Variants in FAXDC2 observed in about 807,000 individuals in gnomAD.
FAXDC2 encodes the protein fatty acid hydroxylase domain containing 2, also known as fatty acid hydroxylase domain-containing protein 2.
A neutral mutation model predicts 40.9 loss-of-function variants in FAXDC2; 41 were observed. The observed-to-expected ratio is 1.00, with a 90% CI of 0.78 to 1.30. FAXDC2 has a LOEUF of 1.30. Among genes scored for constraint, FAXDC2 ranks in the 50% most tolerant of loss-of-function variants. The pLI, the probability that FAXDC2 is intolerant of heterozygous loss-of-function variation, is 0.00. For synonymous variants in FAXDC2, 157 were observed against 149.3 expected (o/e 1.05, Z -0.38); for missense variants, 390 against 408.8 (o/e 0.95, Z 0.40).
intron 4 of FAXDC2, among the ~76,000 whole-genome samples, chr5:154,832,551 A>G (rs1354198454): frequency 6.6e-6 from 1 of 152,322 alleles, no homozygotes; most frequent in East Asian, 1.9e-4. Context: ...ACTTTGGAAA[A>G]AAAAGGCTGA....
intron 1 of FAXDC2, among the ~76,000 whole-genome samples, chr5:154,840,886 AAG>A (rs1418504258): frequency 1.3e-5 from 2 of 152,114 alleles, no homozygotes; most frequent in African/African-American, 4.8e-5. Flanking sequence ...TGAAGAAAGG[AAG>A]AGAGAATGGT....
Position 154,822,530 on chromosome 5 carries a change from T to C in FAXDC2, c.620A>G (p.His207Arg), listed in dbSNP as rs1182390176. 6.2e-7 allele frequency: 1 copy of C among 1,614,196 alleles called. No homozygotes were observed. ...CACGCCAATGGGAGCTGTCCACTCA[T>C]GGTGTTTCTTGTGGATTTTCTTGTA... ...TFYKKIHKKH[H>R]EWTAPIGVIS... The change falls in exon 7 of 9, where the codon CAT becomes CGT. Residue 207 changes from histidine (H) to arginine (R), a missense_variant. Coordinates refer to ENST00000326080, the MANE Select transcript of FAXDC2 (RefSeq NM_032385.5).
intron 1 of FAXDC2, among the ~76,000 whole-genome samples, chr5:154,841,674 G>A (rs1054760975): frequency 2.0e-5 from 3 of 152,098 alleles, no homozygotes; most frequent in Non-Finnish European, 4.4e-5. Context: ...AGGTGGATAA[G>A]GGTCCCTTCA....
intron 1 of FAXDC2, among the ~76,000 whole-genome samples, chr5:154,841,693 G>C (rs554242400): frequency 5.3e-5 from 8 of 151,810 alleles, no homozygotes; most frequent in Non-Finnish European, 1.2e-4. Context: ...CAGAGAAGCT[G>C]CCCTTCACAC....
At chr5:154,837,237 C>T (rs1760372616) in intron 2 of FAXDC2, among the ~76,000 whole-genome samples, 1 of 152,118 alleles carries the variant, frequency 6.6e-6, no homozygotes, top group African/African-American at 2.4e-5. Context: ...CTCTCTCAGG[C>T]TGGATTGGCC....
intron 5 of FAXDC2, chr5:154,824,491 C>A: frequency 1.4e-6 from 1 of 702,596 alleles, no homozygotes; most frequent in Non-Finnish European, 2.6e-6. Flanking sequence ...GCACTGCATG[C>A]ATTAACTGAT....
At chr5:154,832,662 T>A (rs925145665) in intron 4 of FAXDC2, among the ~76,000 whole-genome samples, 1 of 152,202 alleles carries the variant, frequency 6.6e-6, no homozygotes, top group African/African-American at 2.4e-5. Flanking sequence ...ATCTTAAACT[T>A]CTTCTAGCTC....
At chr5:154,823,261 A>G in intron 6 of FAXDC2, 126 bp downstream of exon 6, 3 of 814,174 alleles carry the variant, frequency 3.7e-6, no homozygotes, top group Non-Finnish European at 6.0e-6. Flanking sequence ...TGATCCGCCC[A>G]CCTCAGCCTC....
In FAXDC2 at chr5:154,820,371, A is replaced by T. The variant is rs1759852512; in HGVS notation, c.947T>A (p.Leu316Gln). The change falls in exon 9 of 9, where the codon CTG becomes CAG. Residue 316 changes from leucine (L) to glutamine (Q), a missense_variant. Leu to Gln is a moderately radical substitution (Grantham distance 113). Coordinates refer to ENST00000326080, the MANE Select transcript of FAXDC2 (RefSeq NM_032385.5). Reference protein sequence around the residue: ...TKAYERHVLLLGFTPLSESIP... With the variant: ...TKAYERHVLLQGFTPLSESIP... ...GCTCTCAGAGAGCGGGGTGAAGCCC[A>T]GCAGGAGGACATGTCTCTCGTAGGC... 6.2e-7 allele frequency: 1 copy of T among 1,613,438 alleles called. No homozygotes were observed. The highest frequency in any genetic ancestry group is 1.3e-5 in the African/African-American group (1 of 74,976).
chr5:154,820,318 A>G lies in FAXDC2; in HGVS notation c.1000T>C (p.Ter334ArgextTer4). The change falls in exon 9 of 9, where the codon TGA becomes CGA. Residue 334 changes from the stop codon to arginine (R), a stop_lost. Coordinates refer to ENST00000326080, the MANE Select transcript of FAXDC2 (RefSeq NM_032385.5). ...SIPDSPKRME* is the reference protein window; with the variant it reads ...SIPDSPKRMER ...CAGGATGACACTTAGGCTGTCTCTCACTCCATCCTCTTTGGGGAGTCTGGG... is the reference window on the plus strand; with the variant it reads ...CAGGATGACACTTAGGCTGTCTCTCGCTCCATCCTCTTTGGGGAGTCTGGG... The G allele has an allele frequency of 1.2e-6, 2 of 1,605,432 alleles. No individual in the cohort carries two copies. Among genetic ancestry groups the G allele is most frequent in the Non-Finnish European group, 1.7e-6 (2 of 1,175,866 alleles).
rs186176147 is a variant in FAXDC2, at chr5:154,831,866, G to A, written c.245-944C>T. 6.3e-3 allele frequency among the ~76,000 whole-genome samples: 964 copies of A among 151,940 alleles called. 5 individuals are homozygous for A. The highest frequency in any genetic ancestry group is 0.028 in the South Asian group (133 of 4,810). On this transcript the variant is annotated intron_variant, in intron 4 of 8. Transcript: ENST00000326080. ...CGTCTGTTTGTATGCATAAATGTCC[G>A]TCACAGCATTAAAAAAAAAATTTAA... is the stretch of plus-strand genomic sequence containing the variant.
intron 2 of FAXDC2, 135 bp downstream of exon 2, chr5:154,837,996 T>A (rs979737546): frequency 3.1e-6 from 2 of 650,366 alleles, no homozygotes; most frequent in South Asian, 3.7e-5. Context: ...GCTCAGTTAC[T>A]GAAAATGAAG....
At chr5:154,837,510 C>T (rs1260884680) in intron 2 of FAXDC2, among the ~76,000 whole-genome samples, 1 of 152,092 alleles carries the variant, frequency 6.6e-6, no homozygotes, top group Non-Finnish European at 1.5e-5. Flanking sequence ...CCAGTTATTC[C>T]TTTGTTTGGA....
intron 2 of FAXDC2, among the ~76,000 whole-genome samples, chr5:154,835,883 CTTTTTTTTT>C (rs869068025): frequency 1.3e-4 from 6 of 47,868 alleles, no homozygotes; most frequent in Admixed American, 3.0e-4. Flanking sequence ...GCCCGGCCGA[CTTTTTTTTT>C]TTTTTTTTTT....
At chr5:154,827,427 G>GTGTGTGTGTGTGTA (rs1760068393) in intron 5 of FAXDC2, among the ~76,000 whole-genome samples, 1 of 145,818 alleles carries the variant, frequency 6.9e-6, no homozygotes, top group Non-Finnish European at 1.5e-5. Context: ...TATTTTGTGT[G>GTGTGTGTGTGTGTA]TGTGTGTGTG....
chr5:154,837,092 C>G (rs1392549816), intron 2 of FAXDC2, among the ~76,000 whole-genome samples: 1 of 152,094 alleles, frequency 6.6e-6, no homozygotes, highest in Non-Finnish European at 1.5e-5. Flanking sequence ...TCCTATCCCA[C>G]TTCTGATCAA....
intron 4 of FAXDC2, 188 bp from the exon 5 acceptor site, chr5:154,831,110 G>A (rs1344262162): frequency 3.8e-6 from 2 of 528,052 alleles, no homozygotes; most frequent in Non-Finnish European, 3.3e-6. Flanking sequence ...CATTTAAGGA[G>A]TGTCTCCATT....
intron 2 of FAXDC2, 85 bp from the exon 3 acceptor site, chr5:154,835,019 G>A: frequency 1.2e-6 from 1 of 857,244 alleles, no homozygotes; most frequent in Admixed American, 2.2e-5. Context: ...CGGGAGTGCT[G>A]TAGGATCAGC....
At chr5:154,843,665 T>A (rs879444423) in intron 1 of FAXDC2, among the ~76,000 whole-genome samples, 1 of 152,218 alleles carries the variant, frequency 6.6e-6, no homozygotes, top group African/African-American at 2.4e-5. Flanking sequence ...CAAAGAATGC[T>A]GTTTTTAGTC....
Sources: gnomAD v4.1 joint callset for allele counts (sites outside exome capture counted in the v4.1 genomes callset) on GRCh38, gnomAD v4.1.1 for gene constraint, MANE v1.5 for transcripts, NCBI Gene and HGNC (gene_info 2026-07-23, HGNC 2026-07-21) for gene names.